The following SEC13 variants were observed in gnomAD, a reference collection of about 807,000 sequenced individuals.
SEC13 encodes the protein protein SEC13 homolog.
In SEC13, 25 loss-of-function variants were observed where a neutral mutation model predicts 49.2. That is an observed-to-expected ratio of 0.51 (90% confidence interval 0.37 to 0.71). The LOEUF (loss-of-function observed/expected upper bound fraction) is 0.71, where lower values mean the gene tolerates loss of function less well. Ranked by LOEUF, SEC13 falls within the 30% of genes least tolerant of loss-of-function variation. SEC13 has a pLI of 0.00. For synonymous variants in SEC13, 148 were observed against 163.9 expected (o/e 0.90, Z 0.74); for missense variants, 383 against 417.6 (o/e 0.92, Z 0.72).
At chr3:10,320,770 T>TCG in intron 1 of SEC13, 1 of 1,317,050 alleles carries the variant, frequency 7.6e-7, no homozygotes, top group Non-Finnish European at 9.6e-7. Context: ...CTGCTGTTCC[T>TCG]CGTTTTGTTT....
chr3:10,303,872 T>C, intron 8 of SEC13, 154 bp downstream of exon 8: 1 of 739,760 alleles, frequency 1.4e-6, no homozygotes, highest in Non-Finnish European at 2.4e-6. Flanking sequence ...GGCTGTGACA[T>C]TAATGATGTA....
chr3:10,303,766 C>T, intron 8 of SEC13: 1 of 516,414 alleles, frequency 1.9e-6, no homozygotes, highest in East Asian at 3.6e-5. Flanking sequence ...ACTGGCTCTG[C>T]CACCTCATAG....
chr3:10,305,334 G>A, intron 6 of SEC13, 178 bp from the exon 7 acceptor site: 1 of 1,132,052 alleles, frequency 8.8e-7, no homozygotes, highest in Non-Finnish European at 1.2e-6. Context: ...TCCAGAAAAT[G>A]CTCTGCTTCC....
At chr3:10,319,393 C>T (rs1055928729) in intron 1 of SEC13, 4 of 1,129,758 alleles carry the variant, frequency 3.5e-6, no homozygotes, top group Admixed American at 3.5e-5. Context: ...CACAGGAAGG[C>T]GGGGAGGGCA....
intron 5 of SEC13, among the ~76,000 whole-genome samples, chr3:10,307,040 TTTATTA>T (rs1192786281): frequency 5.4e-5 from 8 of 148,898 alleles, no homozygotes; most frequent in Non-Finnish European, 8.9e-5. Flanking sequence ...CTCCTCTTTA[TTTATTA>T]TTAACAATTT....
At chr3:10,312,799 A>C (rs1274366659) in intron 3 of SEC13, 69 bp from the exon 4 acceptor site, 12 of 1,499,108 alleles carry the variant, frequency 8.0e-6, no homozygotes, top group Non-Finnish European at 1.1e-5. Flanking sequence ...ACAGAACTAA[A>C]TGGCTCCCTG....
intron 6 of SEC13, 36 bp downstream of exon 6, chr3:10,305,523 G>A (rs1412761391): frequency 1.7e-5 from 28 of 1,609,326 alleles, no homozygotes; most frequent in Non-Finnish European, 2.4e-5. Flanking sequence ...GGGTAGAAGT[G>A]TCCCCTCAAA....
chr3:10,302,994 T>C (rs1700633829), intron 8 of SEC13, among the ~76,000 whole-genome samples: 1 of 152,124 alleles, frequency 6.6e-6, no homozygotes, highest in African/African-American at 2.4e-5. Flanking sequence ...CACATTCACA[T>C]AGACAGAAAG....
intron 1 of SEC13, chr3:10,319,293 C>A: frequency 6.3e-7 from 1 of 1,592,382 alleles, no homozygotes. Flanking sequence ...ATTCTAGACT[C>A]TCTAAAAACC....
intron 5 of SEC13, chr3:10,311,586 T>C (rs750126732): frequency 4.4e-5 from 43 of 969,956 alleles, no homozygotes; most frequent in Non-Finnish European, 5.3e-5. Context: ...TTTATATTAA[T>C]CTTTCTTAAA....
chr3:10,314,509 T>C (rs746167980), intron 3 of SEC13, among the ~76,000 whole-genome samples: 51 of 152,274 alleles, frequency 3.3e-4, no homozygotes, highest in Non-Finnish European at 5.6e-4. Context: ...TACTGAAGTT[T>C]CTGGCCTACA....
At chr3:10,312,435 G>A (rs1238624578) in intron 4 of SEC13, 144 bp downstream of exon 4, 4 of 1,009,950 alleles carry the variant, frequency 4.0e-6, no homozygotes, top group South Asian at 3.2e-5. Flanking sequence ...ACTCAGCTGA[G>A]GACAGAGTAG....
chr3:10,319,212 G>T (rs774019251), intron 1 of SEC13: 1 of 1,613,806 alleles, frequency 6.2e-7, no homozygotes, highest in Non-Finnish European at 8.5e-7. Flanking sequence ...CAGAAAGGCA[G>T]ACAGTGGAAG....
intron 3 of SEC13, 164 bp from the exon 4 acceptor site, chr3:10,312,894 G>C: frequency 3.1e-6 from 2 of 647,300 alleles, no homozygotes; most frequent in Non-Finnish European, 5.2e-6. Context: ...TCAGTGGACA[G>C]TGAGGAGCCT....
Position 10,304,104 on chromosome 3 carries a change from G to C in SEC13, c.777C>G (p.His259Gln). 1 of 1,614,194 alleles carries C rather than the reference G, an allele frequency of 6.2e-7. No homozygotes were observed. The highest frequency in any genetic ancestry group is 1.3e-5 in the African/African-American group (1 of 75,044). ...CATGCCACACCACATCGTTGAACTT[G>C]TGCAACAATTTAGGGGACCACGTAT... ...SSNTWSPKLL[H>Q]KFNDVVWHVS... Residue 259 changes from histidine (H) to glutamine (Q), a missense_variant, in exon 8 of 9, where the codon CAC (histidine) becomes CAG (glutamine). By Grantham distance (24) the His-to-Gln change is conservative. Transcript: ENST00000350697.
At chr3:10,312,765 G>C in intron 3 of SEC13, 35 bp from the exon 4 acceptor site, 1 of 1,612,422 alleles carries the variant, frequency 6.2e-7, no homozygotes, top group Admixed American at 1.7e-5. Flanking sequence ...GGAACCCACA[G>C]TGCCTCTGCA....
chr3:10,302,764 T>G (rs575738387), intron 8 of SEC13, among the ~76,000 whole-genome samples: 1 of 152,272 alleles, frequency 6.6e-6, no homozygotes, highest in South Asian at 2.1e-4. Flanking sequence ...TCGCAATAGC[T>G]AAGAGGTGGC....
intron 5 of SEC13, among the ~76,000 whole-genome samples, chr3:10,307,641 T>C (rs1423891720): frequency 6.6e-6 from 1 of 152,162 alleles, no homozygotes; most frequent in Non-Finnish European, 1.5e-5. Flanking sequence ...TTATTCACTA[T>C]CAAGAGAACA....
At chr3:10,319,892 G>C (rs1377945538) in intron 1 of SEC13, among the ~76,000 whole-genome samples, 3 of 109,318 alleles carry the variant, frequency 2.7e-5, no homozygotes, top group South Asian at 3.7e-4. Context: ...GGAGAGGAAG[G>C]GGGGAGGAAG....
Sources: gnomAD v4.1 joint callset for allele counts (sites outside exome capture counted in the v4.1 genomes callset) on GRCh38, gnomAD v4.1.1 for gene constraint, MANE v1.5 for transcripts, NCBI Gene and HGNC (gene_info 2026-07-23, HGNC 2026-07-21) for gene names.